FANCC: variants seen among roughly 807,000 people sequenced by gnomAD.
The protein encoded by FANCC is Fanconi anemia group C protein.
A neutral mutation model predicts 71.3 loss-of-function variants in FANCC; 55 were observed. That is an observed-to-expected ratio of 0.77 (90% confidence interval 0.62 to 0.97). The LOEUF is 0.97. Ranked by LOEUF, FANCC falls within the 50% of genes least tolerant of loss-of-function variation. The pLI is 0.00. For synonymous variants in FANCC, 275 were observed against 244.9 expected (o/e 1.12, Z -1.15); for missense variants, 678 against 670.9 (o/e 1.01, Z -0.12).
rs1825800400 is a variant in FANCC, at chr9:95,125,253, G to C, written c.897-68C>G. The C allele has an allele frequency of 3.1e-6, 4 of 1,272,812 alleles. No individual in the cohort carries two copies. In the South Asian group the frequency reaches 4.8e-5, roughly 15 times the overall value. The allele number at this position is 1,272,812 out of a possible 1,614,324, so 78.8% of individuals were successfully genotyped here. On this transcript the variant is annotated intron_variant, in intron 9 of 14. Coordinates refer to ENST00000289081, the MANE Select transcript of FANCC (RefSeq NM_000136.3). ...TCCGGCAAACATGAAAACCTGCACT[G>C]TATAAGGGAAAAGTAGAAACACTTT... is the stretch of plus-strand genomic sequence containing the variant.
At chr9:95,206,731 C>T (rs1828144982) in intron 4 of FANCC, among the ~76,000 whole-genome samples, 1 of 152,162 alleles carries the variant, frequency 6.6e-6, no homozygotes, top group South Asian at 2.1e-4. Flanking sequence ...TTCACCCTTA[C>T]ATCTGTCCAG....
intron 4 of FANCC, among the ~76,000 whole-genome samples, chr9:95,191,991 G>A (rs370368807): frequency 9.2e-5 from 14 of 152,070 alleles, no homozygotes; most frequent in Non-Finnish European, 1.3e-4. Context: ...GGAATGTTAG[G>A]ACATATCTCT....
At position 95,099,471 on chromosome 9, in the gene FANCC, C is replaced by T. The variant is rs532768209; in HGVS notation, c.*2236G>A. On this transcript the variant is annotated 3_prime_UTR_variant, in exon 15 of 15. Transcript: ENST00000289081. ...CAGCATCTCGGATGCCATTCCTTCC[C>T]GGTGGCACCTGCCCAGGCTTTGCCG... is the stretch of plus-strand genomic sequence containing the variant. 5.7e-5 allele frequency: 13 copies of T among 226,166 alleles called. No individual in the cohort carries two copies. The highest frequency in any genetic ancestry group is 4.1e-4 in the Admixed American group (7 of 17,268). The allele number at this position is 226,166 out of a possible 1,614,324, so 14.0% of individuals were successfully genotyped here.
chr9:95,123,906 CTT>C (rs1458876755), intron 10 of FANCC: 10 of 442,394 alleles, frequency 2.3e-5, no homozygotes, highest in Non-Finnish European at 4.3e-5. Context: ...GGACTATTCT[CTT>C]GAGAAAAATA....
At chr9:95,291,967 A>AAATATACAT (rs1441757988) in intron 1 of FANCC, among the ~76,000 whole-genome samples, 1 of 50,412 alleles carries the variant, frequency 2.0e-5, no homozygotes, top group African/African-American at 8.2e-5. Context: ...AAAAAAAAAA[A>AAATATACAT]ATATATATAT....
intron 13 of FANCC, chr9:95,110,979 G>A (rs1564646520): frequency 3.5e-6 from 5 of 1,416,066 alleles, no homozygotes; most frequent in East Asian, 2.6e-5. Context: ...AGTAAGAGAT[G>A]TAAATAAAGC....
At chr9:95,188,671 T>G (rs1034280892) in intron 4 of FANCC, among the ~76,000 whole-genome samples, 1 of 152,206 alleles carries the variant, frequency 6.6e-6, no homozygotes, top group African/African-American at 2.4e-5. Flanking sequence ...CACGTCAGTG[T>G]TTGTGTCTGT....
At chr9:95,120,771 A>G (rs2072813259) in intron 10 of FANCC, among the ~76,000 whole-genome samples, 1 of 152,090 alleles carries the variant, frequency 6.6e-6, no homozygotes, top group Non-Finnish European at 1.5e-5. Flanking sequence ...CTGCCTTTTT[A>G]TTAGAATATT....
chr9:95,289,592 T>C (rs1219325386), intron 1 of FANCC, among the ~76,000 whole-genome samples: 2 of 152,198 alleles, frequency 1.3e-5, no homozygotes, highest in African/African-American at 4.8e-5. Context: ...ATTAATACAT[T>C]CTCTATTGTT....
intron 7 of FANCC, among the ~76,000 whole-genome samples, chr9:95,146,471 G>A (rs1460747134): frequency 9.7e-6 from 1 of 102,822 alleles, no homozygotes; most frequent in Non-Finnish European, 1.7e-5. Context: ...CTATGTGACA[G>A]AGTGAGACCC....
At chr9:95,132,805 A>G (rs1295434536) in intron 8 of FANCC, among the ~76,000 whole-genome samples, 1 of 152,246 alleles carries the variant, frequency 6.6e-6, no homozygotes, top group African/African-American at 2.4e-5. Flanking sequence ...ACATTTGGGA[A>G]GGTCATTTCA....
At position 95,263,641 on chromosome 9, in the gene FANCC, GTCA is replaced by G. The variant is rs1474900428; in HGVS notation, c.-78-14275_-78-14273del. Among the ~76,000 whole-genome samples, 6 of 152,112 alleles carry G rather than the reference GTCA, an allele frequency of 3.9e-5. No individual in the cohort carries two copies. The East Asian group carries it at 1.2e-3, about 29-fold the overall frequency. On this transcript the variant is annotated intron_variant, in intron 1 of 14. Coordinates refer to ENST00000289081, the MANE Select transcript of FANCC (RefSeq NM_000136.3). ...ACATTCCATTAGCTGTCAGAGAGAG[GTCA>G]TCATCATCTATCATGTAACCTCTTG...
chr9:95,230,068 A>T (rs901338429), intron 4 of FANCC, among the ~76,000 whole-genome samples: 1 of 151,248 alleles, frequency 6.6e-6, no homozygotes, highest in Non-Finnish European at 1.5e-5. Flanking sequence ...ATCCTCTTTA[A>T]ATGGTTGCTT....
At chr9:95,247,209 A>ACG (rs773605147) in intron 3 of FANCC, among the ~76,000 whole-genome samples, 132 of 127,584 alleles carry the variant, frequency 1.0e-3, no homozygotes, top group African/African-American at 3.8e-3. Flanking sequence ...GGGTGCGTGC[A>ACG]CGCGTGTGTG....
chr9:95,100,367 TG>T lies in FANCC; in HGVS notation c.*1339del, dbSNP rs2071034092. ...TTCCTGGAATTTTCCAGATCTTCAGTGGATCTATTAGCATTGCCACATACCA... is the reference window on the plus strand; with the variant it reads ...TTCCTGGAATTTTCCAGATCTTCAGTGATCTATTAGCATTGCCACATACCA... On this transcript the variant is annotated 3_prime_UTR_variant, in exon 15 of 15. Transcript: ENST00000289081. 1 of 231,852 alleles carries T rather than the reference TG, an allele frequency of 4.3e-6. No homozygotes were observed. The highest frequency in any genetic ancestry group is 6.1e-5 in the East Asian group (1 of 16,378). The allele number at this position is 231,852 out of a possible 1,614,324, so 14.4% of individuals were successfully genotyped here.
rs950912598 is a variant in FANCC at position 95,157,432 on chromosome 9, G to C, written c.522-7345C>G. ...ATGTTTAAATTCTATCCTATTCTTT[G>C]CTACAAACCATCTAGAAGGAGCAAC... On this transcript the variant is annotated intron_variant, in intron 6 of 14. Coordinates refer to ENST00000289081, the MANE Select transcript of FANCC (RefSeq NM_000136.3). Among the ~76,000 whole-genome samples the C allele has an allele frequency of 2.0e-5, 3 of 152,144 alleles. No individual in the cohort carries two copies. In the East Asian group the frequency reaches 5.8e-4, roughly 29 times the overall value.
chr9:95,130,505 A>G (rs894033425), intron 8 of FANCC, among the ~76,000 whole-genome samples: 3 of 152,252 alleles, frequency 2.0e-5, no homozygotes, highest in African/African-American at 7.2e-5. Context: ...TTAAAAATAA[A>G]GAAGGAAATA....
chr9:95,218,214 T>A (rs1336381222), intron 4 of FANCC, among the ~76,000 whole-genome samples: 1 of 152,184 alleles, frequency 6.6e-6, no homozygotes. Context: ...CCTGTTATCC[T>A]AGCACTTTGG....
intron 6 of FANCC, among the ~76,000 whole-genome samples, chr9:95,159,275 A>G (rs1419367257): frequency 6.6e-6 from 1 of 152,168 alleles, no homozygotes; most frequent in Non-Finnish European, 1.5e-5. Context: ...GAGTGAGAAC[A>G]TGTGGTGTTT....
Sources: gnomAD v4.1 joint callset for allele counts (sites outside exome capture counted in the v4.1 genomes callset) on GRCh38, gnomAD v4.1.1 for gene constraint, MANE v1.5 for transcripts, NCBI Gene and HGNC (gene_info 2026-07-23, HGNC 2026-07-21) for gene names.